Variants in SORCS3 observed in about 807,000 individuals in gnomAD.
The protein encoded by SORCS3 is VPS10 domain-containing receptor SorCS3.
In SORCS3, 57 loss-of-function variants were observed where a neutral mutation model predicts 146.3. The observed-to-expected ratio is 0.39, with a 90% confidence interval of 0.31 to 0.49. The LOEUF (loss-of-function observed/expected upper bound fraction) is 0.49. Ranked by LOEUF, SORCS3 falls within the 20% of genes least tolerant of loss-of-function variation. The pLI is 0.92. For synonymous variants in SORCS3, 653 were observed against 618.5 expected, an observed-to-expected ratio of 1.06 and a Z score of -0.83; for missense variants, 1,341 against 1,575.5, an observed-to-expected ratio of 0.85 and a Z score of 2.52.
chr10:105,194,575 A>G (rs1190715855), intron 14 of SORCS3, among the ~76,000 whole-genome samples: 1 of 152,186 alleles, frequency 6.6e-6, no homozygotes, highest in Non-Finnish European at 1.5e-5. Context: ...CTCTTTGCCA[A>G]AGACCTGAGA....
At chr10:105,178,217 T>G (rs1244925461) in intron 14 of SORCS3, 44 bp downstream of exon 14, 1 of 1,471,882 alleles carries the variant, frequency 6.8e-7, no homozygotes, top group Non-Finnish European at 9.4e-7. Context: ...CCAGAGACAC[T>G]GGTTCTACTT....
chr10:105,153,750 T>C (rs1319176115), intron 9 of SORCS3, among the ~76,000 whole-genome samples: 2 of 151,818 alleles, frequency 1.3e-5, no homozygotes, highest in Non-Finnish European at 2.9e-5. Flanking sequence ...ACTAAATAAC[T>C]GGACCCAGTA....
chr10:105,012,113 T>C (rs925715396), intron 4 of SORCS3, among the ~76,000 whole-genome samples: 2 of 152,158 alleles, frequency 1.3e-5, no homozygotes, highest in Non-Finnish European at 2.9e-5. Context: ...CAGCACAGCA[T>C]TGACATCTAG....
At chr10:105,146,175 A>G (rs1234689638) in intron 8 of SORCS3, among the ~76,000 whole-genome samples, 2 of 151,886 alleles carry the variant, frequency 1.3e-5, no homozygotes, top group African/African-American at 2.4e-5. Flanking sequence ...AACTCCTTCC[A>G]TTTTTTGGCA....
intron 4 of SORCS3, among the ~76,000 whole-genome samples, chr10:104,990,157 T>C (rs914155301): frequency 6.6e-6 from 1 of 152,180 alleles, no homozygotes; most frequent in African/African-American, 2.4e-5. Flanking sequence ...GGGGCAGCCT[T>C]AGCCAAAGAT....
intron 5 of SORCS3, among the ~76,000 whole-genome samples, chr10:105,069,089 T>C (rs73344326): frequency 0.059 from 8,957 of 152,304 alleles, 284 homozygotes; most frequent in Middle Eastern, 0.088. Flanking sequence ...TGACACAGAA[T>C]GCCTTCTCAT....
At chr10:104,963,543 T>A (rs994483394) in intron 3 of SORCS3, among the ~76,000 whole-genome samples, 1 of 152,158 alleles carries the variant, frequency 6.6e-6, no homozygotes, top group African/African-American at 2.4e-5. Flanking sequence ...ACTATAGAGC[T>A]CAGTTCTCCA....
intron 5 of SORCS3, among the ~76,000 whole-genome samples, chr10:105,083,847 C>T (rs2055641219): frequency 6.6e-6 from 1 of 152,152 alleles, no homozygotes; most frequent in Non-Finnish European, 1.5e-5. Context: ...AAGGGACTTA[C>T]ATGTTGGAGA....
chr10:105,223,118 C>G lies in SORCS3; in HGVS notation c.2737C>G (p.Pro913Ala). 3 of 1,604,244 alleles carry G rather than the reference C, an allele frequency of 1.9e-6. No individual in the cohort carries two copies. The highest frequency in any genetic ancestry group is 2.6e-6 in the Non-Finnish European group (3 of 1,173,612). The change falls in exon 20 of 27, where the codon CCT becomes GCT. Residue 913 changes from proline (P) to alanine (A), a missense_variant and splice_region_variant. Transcript: ENST00000369701. ...ACTTTTTTTTTCTGTTTCCTTAGGT[C>G]CTGTGGAGCATGTTCATCTCCGAGT... ...TAVLFLHVVC[P>A]VEHVHLRVPF... is the part of the protein sequence containing the mutation.
intron 9 of SORCS3, among the ~76,000 whole-genome samples, chr10:105,150,997 C>T (rs1029126569): frequency 2.6e-5 from 4 of 152,128 alleles, no homozygotes; most frequent in African/African-American, 9.7e-5. Flanking sequence ...GCTAAATTAG[C>T]ACACTTTTAT....
In SORCS3 at chr10:105,164,328, T is replaced by C. The variant is rs753315147; in HGVS notation, c.1758T>C (p.Tyr586=). ...ATGNIGPELS[Y]TDIGVFISSD... ...GCAACATTGGCCCGGAGCTCTCATA[T>C]ACTGATATTGGTGTGTTCATCTCCT... is the stretch of plus-strand genomic sequence containing the variant. Residue 586 remains tyrosine, a synonymous_variant, in exon 12 of 27, where the codon TAT becomes TAC. Coordinates refer to ENST00000369701, the MANE Select transcript of SORCS3 (RefSeq NM_014978.3). 45 of 1,613,602 alleles carry C rather than the reference T, an allele frequency of 2.8e-5. No individual in the cohort carries two copies. Among genetic ancestry groups the C allele is most frequent in the Non-Finnish European group, 3.6e-5 (43 of 1,179,712 alleles).
chr10:105,069,907 C>A (rs189718444), intron 5 of SORCS3, among the ~76,000 whole-genome samples: 8 of 152,246 alleles, frequency 5.3e-5, no homozygotes, highest in Admixed American at 3.9e-4. Context: ...AAGTCTCCCC[C>A]GCCCCGATCC....
intron 3 of SORCS3, among the ~76,000 whole-genome samples, chr10:104,961,305 A>G (rs1293994689): frequency 6.6e-6 from 1 of 152,096 alleles, no homozygotes; most frequent in Non-Finnish European, 1.5e-5. Context: ...CATTGTGCCA[A>G]CTCACATGTC....
chr10:104,845,620 G>A (rs911147367), intron 2 of SORCS3, among the ~76,000 whole-genome samples: 1 of 152,112 alleles, frequency 6.6e-6, no homozygotes, highest in Non-Finnish European at 1.5e-5. Flanking sequence ...GACACCAAGC[G>A]GGTGTAGTCT....
At chr10:105,155,934 A>C (rs1049841169) in intron 9 of SORCS3, among the ~76,000 whole-genome samples, 2 of 152,122 alleles carry the variant, frequency 1.3e-5, no homozygotes, top group African/African-American at 4.8e-5. Flanking sequence ...CTCTTTCAAG[A>C]CCAATCAGGT....
intron 1 of SORCS3, among the ~76,000 whole-genome samples, chr10:104,682,743 G>T (rs757313161): frequency 2.7e-4 from 41 of 152,202 alleles, no homozygotes; most frequent in Non-Finnish European, 8.8e-5. Flanking sequence ...ACACAGCTAG[G>T]CAGAAAAGTA....
intron 6 of SORCS3, among the ~76,000 whole-genome samples, chr10:105,100,534 C>T: frequency 1.3e-5 from 2 of 152,224 alleles, no homozygotes; most frequent in East Asian, 3.8e-4. Context: ...TCAAGAATTT[C>T]CTTTCACATA....
intron 7 of SORCS3, among the ~76,000 whole-genome samples, chr10:105,107,766 A>G (rs2055833044): frequency 6.6e-6 from 1 of 152,216 alleles, no homozygotes; most frequent in African/African-American, 2.4e-5. Context: ...AAATATGTGT[A>G]TGATGTAAAC....
intron 1 of SORCS3, among the ~76,000 whole-genome samples, chr10:104,658,381 C>T (rs1311410348): frequency 4.6e-5 from 7 of 152,132 alleles, no homozygotes; most frequent in African/African-American, 1.7e-4. Flanking sequence ...GCTGGTCCTA[C>T]CTGTAGATGA....
Sources: gnomAD v4.1 joint callset for allele counts (sites outside exome capture counted in the v4.1 genomes callset) on GRCh38, gnomAD v4.1.1 for gene constraint, MANE v1.5 for transcripts, NCBI Gene and HGNC (gene_info 2026-07-23, HGNC 2026-07-21) for gene names.